LHFPL2: variants seen among roughly 807,000 people sequenced by gnomAD.
LHFPL2 encodes LHFPL tetraspan subfamily member 2 protein.
In LHFPL2, 7 loss-of-function variants were observed where a neutral mutation model predicts 17.5. The ratio of observed to expected loss-of-function variants is 0.40; its 90% confidence interval spans 0.23 to 0.75. LHFPL2 has a LOEUF of 0.75. Among genes scored for constraint, LHFPL2 ranks in the 30% least tolerant of loss-of-function variants. LHFPL2 has a pLI of 0.37. For missense variants in LHFPL2, 241 were observed against 294.8 expected, an observed-to-expected ratio of 0.82 and a Z score of 1.34; for synonymous variants, 134 against 116.2, an observed-to-expected ratio of 1.15 and a Z score of -0.99.
At chr5:78,609,191 C>T (rs1744326270) in intron 2 of LHFPL2, among the ~76,000 whole-genome samples, 2 of 152,016 alleles carry the variant, frequency 1.3e-5, no homozygotes, top group Non-Finnish European at 2.9e-5. Flanking sequence ...TGGCCAGGTA[C>T]AGTGGTTCAT....
intron 1 of LHFPL2, among the ~76,000 whole-genome samples, chr5:78,635,102 T>TC (rs1745387347): frequency 6.6e-6 from 1 of 152,194 alleles, no homozygotes. Context: ...TCTGGTTTAC[T>TC]CCGACAGCAG....
In LHFPL2 at chr5:78,549,553, T is replaced by TA. The variant is rs1279468222; in HGVS notation, c.-186+15259dup. ...ATCCCAGGACAGACACTGAGTCCTG[T>TA]ATCCCCTTGAAGAGCCACAACACAC... On this transcript the variant is annotated intron_variant, in intron 3 of 4. Coordinates refer to ENST00000380345, the MANE Select transcript of LHFPL2 (RefSeq NM_005779.3). Among the ~76,000 whole-genome samples, 4 of 152,192 alleles carry TA rather than the reference T, an allele frequency of 2.6e-5. No individual in the cohort carries two copies. In the East Asian group the frequency reaches 7.7e-4, roughly 29 times the overall value.
At chr5:78,554,184 G>C (rs1756515143) in intron 3 of LHFPL2, among the ~76,000 whole-genome samples, 1 of 152,254 alleles carries the variant, frequency 6.6e-6, no homozygotes, top group Non-Finnish European at 1.5e-5. Flanking sequence ...CAGTGCAAGG[G>C]GCAGACACTG....
chr5:78,646,115 G>A (rs1445617478), intron 1 of LHFPL2, among the ~76,000 whole-genome samples: 1 of 152,154 alleles, frequency 6.6e-6, no homozygotes, highest in Admixed American at 6.5e-5. Flanking sequence ...ATGTAGCTTG[G>A]AATTGCAAGC....
At chr5:78,639,090 C>G (rs1355004179) in intron 1 of LHFPL2, among the ~76,000 whole-genome samples, 1 of 152,154 alleles carries the variant, frequency 6.6e-6, no homozygotes, top group Non-Finnish European at 1.5e-5. Flanking sequence ...CCTAACATGG[C>G]TGGTCAGACT....
At chr5:78,604,738 C>CGGCT (rs1335451532) in intron 2 of LHFPL2, among the ~76,000 whole-genome samples, 1 of 152,116 alleles carries the variant, frequency 6.6e-6, no homozygotes, top group African/African-American at 2.4e-5. Context: ...AGCTTCTTGA[C>CGGCT]GGCTGGCTTT....
rs1195150377 is a variant in LHFPL2, at chr5:78,509,146, G to GA, written c.430+637dup. On this transcript the variant is annotated intron_variant, in intron 4 of 4. Coordinates refer to ENST00000380345, the MANE Select transcript of LHFPL2 (RefSeq NM_005779.3). Reference sequence around the variant, plus strand: ...TAAGCTCGTTAGTGAGAAATTCCCAGAAAATGGAAGAGTTCGCTTGCATTT... The same window carrying GA: ...TAAGCTCGTTAGTGAGAAATTCCCAGAAAAATGGAAGAGTTCGCTTGCATTT... Among the ~76,000 whole-genome samples, 4 of 152,354 alleles carry GA rather than the reference G, an allele frequency of 2.6e-5. No individual in the cohort carries two copies. The East Asian group carries it at 7.7e-4, about 29-fold the overall frequency.
chr5:78,635,597 T>C (rs914335739), intron 1 of LHFPL2, among the ~76,000 whole-genome samples: 1 of 152,182 alleles, frequency 6.6e-6, no homozygotes, highest in African/African-American at 2.4e-5. Context: ...GGTCAGGAGA[T>C]CGAGACCATC....
intron 2 of LHFPL2, among the ~76,000 whole-genome samples, chr5:78,581,770 A>G (rs1016891389): frequency 2.6e-4 from 40 of 152,212 alleles, no homozygotes; most frequent in Admixed American, 7.2e-4. Context: ...TTGTGCCTCT[A>G]CCCGGCTTTG....
intron 1 of LHFPL2, chr5:78,641,967 A>G (rs1238272160): frequency 6.7e-6 from 1 of 150,056 alleles, no homozygotes; most frequent in Non-Finnish European, 1.5e-5. Context: ...ATAATAAAAT[A>G]CCATAGATTG....
chr5:78,571,868 G>C (rs1292893762), intron 2 of LHFPL2, among the ~76,000 whole-genome samples: 1 of 152,168 alleles, frequency 6.6e-6, no homozygotes, highest in Non-Finnish European at 1.5e-5. Flanking sequence ...TTTTAAGTTA[G>C]TTGTCTATCC....
At chr5:78,597,189 G>A (rs935272274) in intron 2 of LHFPL2, among the ~76,000 whole-genome samples, 4 of 152,202 alleles carry the variant, frequency 2.6e-5, no homozygotes, top group African/African-American at 9.7e-5. Context: ...CGCCAAGAGA[G>A]CAGCAGTCTA....
chr5:78,529,471 G>A (rs1580778969), intron 3 of LHFPL2, among the ~76,000 whole-genome samples: 1 of 152,142 alleles, frequency 6.6e-6, no homozygotes, highest in African/African-American at 2.4e-5. Context: ...GCCACACATT[G>A]CCCCTGGAAA....
At chr5:78,608,455 G>T (rs1265879151) in intron 2 of LHFPL2, among the ~76,000 whole-genome samples, 1 of 152,030 alleles carries the variant, frequency 6.6e-6, no homozygotes, top group Non-Finnish European at 1.5e-5. Flanking sequence ...TACAAGTCAA[G>T]CAAAGACATA....
rs1409946510 is a variant in LHFPL2 at position 78,529,278 on chromosome 5, C to A, written c.-185-18880G>T. On this transcript the variant is annotated intron_variant, in intron 3 of 4. Transcript: ENST00000380345. The stretch of plus-strand genomic sequence containing the variant: ...TCCAGCCTGAGCAACAGAGTGAGGA[C>A]CTATTTCTAAATAAATAATAAGAAT... 2.0e-5 allele frequency among the ~76,000 whole-genome samples: 3 copies of A among 152,070 alleles called. No homozygotes were observed. In the East Asian group the frequency reaches 5.8e-4, roughly 29 times the overall value.
intron 2 of LHFPL2, among the ~76,000 whole-genome samples, chr5:78,602,803 C>G (rs147148702): frequency 6.6e-6 from 1 of 152,296 alleles, no homozygotes; most frequent in Non-Finnish European, 1.5e-5. Flanking sequence ...GCCTTATGAG[C>G]CGGGCCCATG....
At chr5:78,581,498 T>C (rs933506022) in intron 2 of LHFPL2, among the ~76,000 whole-genome samples, 2 of 152,162 alleles carry the variant, frequency 1.3e-5, no homozygotes, top group Non-Finnish European at 2.9e-5. Flanking sequence ...GTTTTTAGCA[T>C]GAAGTTGTTG....
At chr5:78,596,374 G>C (rs931136367) in intron 2 of LHFPL2, among the ~76,000 whole-genome samples, 1 of 152,206 alleles carries the variant, frequency 6.6e-6, no homozygotes, top group African/African-American at 2.4e-5. Flanking sequence ...TCTGATAAAA[G>C]AGTAAAGCAT....
intron 3 of LHFPL2, among the ~76,000 whole-genome samples, chr5:78,541,233 G>T (rs966095384): frequency 6.6e-6 from 1 of 152,142 alleles, no homozygotes; most frequent in Non-Finnish European, 1.5e-5. Context: ...CCACTAGCCC[G>T]AGTGAAGCTG....
Sources: gnomAD v4.1 joint callset for allele counts (sites outside exome capture counted in the v4.1 genomes callset) on GRCh38, gnomAD v4.1.1 for gene constraint, MANE v1.5 for transcripts, NCBI Gene and HGNC (gene_info 2026-07-23, HGNC 2026-07-21) for gene names.